Variants in POU6F2 observed in about 807,000 individuals in gnomAD.
POU6F2 encodes the protein POU class 6 homeobox 2.
A neutral mutation model predicts 71.3 loss-of-function variants in POU6F2; 31 were observed. That is an observed-to-expected ratio of 0.43 (90% CI 0.33 to 0.59). POU6F2 has a LOEUF of 0.59. Ranked by LOEUF, POU6F2 falls within the 20% of genes least tolerant of loss-of-function variation. The pLI is 0.04. For missense variants in POU6F2, 783 were observed against 856.8 expected, an observed-to-expected ratio of 0.91 and a Z score of 1.07; for synonymous variants, 347 against 355.7, an observed-to-expected ratio of 0.98 and a Z score of 0.27.
intron 1 of POU6F2, among the ~76,000 whole-genome samples, chr7:39,000,558 CACACACA>C (rs1562662065): frequency 4.0e-4 from 57 of 144,258 alleles, no homozygotes; most frequent in Admixed American, 4.8e-4. Context: ...CACACACACA[CACACACA>C]CCCTCCCAAC....
intron 6 of POU6F2, among the ~76,000 whole-genome samples, chr7:39,424,302 A>G (rs1245848281): frequency 6.6e-6 from 1 of 152,106 alleles, no homozygotes; most frequent in African/African-American, 2.4e-5. Flanking sequence ...TGGAGATAAC[A>G]TTTTGCACAA....
At chr7:39,234,866 G>A (rs1794645420) in intron 4 of POU6F2, among the ~76,000 whole-genome samples, 1 of 152,064 alleles carries the variant, frequency 6.6e-6, no homozygotes, top group African/African-American at 2.4e-5. Context: ...ATCCAGATAG[G>A]GCATCAAAAT....
At chr7:39,184,138 C>T (rs1400582873) in intron 2 of POU6F2, among the ~76,000 whole-genome samples, 2 of 152,124 alleles carry the variant, frequency 1.3e-5, no homozygotes, top group African/African-American at 4.8e-5. Context: ...ACAAGCTGGT[C>T]CATGCAAATA....
intron 1 of POU6F2, among the ~76,000 whole-genome samples, chr7:39,054,679 A>C (rs1016443901): frequency 6.6e-6 from 1 of 151,844 alleles, no homozygotes; most frequent in African/African-American, 2.4e-5. Flanking sequence ...AGACACACAA[A>C]ATTTGAGTAG....
At chr7:39,081,968 C>T (rs560657483) in intron 1 of POU6F2, among the ~76,000 whole-genome samples, 1 of 152,336 alleles carries the variant, frequency 6.6e-6, no homozygotes, top group Non-Finnish European at 1.5e-5. Flanking sequence ...AGAAATTTAG[C>T]CCACTGAGCC....
At chr7:39,098,166 CTTGT>C (rs1435203243) in intron 2 of POU6F2, among the ~76,000 whole-genome samples, 1 of 151,910 alleles carries the variant, frequency 6.6e-6, no homozygotes, top group African/African-American at 2.4e-5. Flanking sequence ...TCCCAAAATT[CTTGT>C]TTGTCTTATA....
chr7:39,413,215 AC>A (rs1293984688), intron 6 of POU6F2, among the ~76,000 whole-genome samples: 4 of 152,056 alleles, frequency 2.6e-5, no homozygotes, highest in African/African-American at 9.7e-5. Context: ...AAGAAACAAA[AC>A]ATGACAGACA....
intron 2 of POU6F2, among the ~76,000 whole-genome samples, chr7:39,109,912 G>T (rs920803024): frequency 6.6e-6 from 1 of 152,184 alleles, no homozygotes; most frequent in Non-Finnish European, 1.5e-5. Flanking sequence ...GCTTGTGAGA[G>T]ATAATTGCTA....
intron 7 of POU6F2, among the ~76,000 whole-genome samples, chr7:39,435,459 G>A (rs370576615): frequency 2.7e-4 from 41 of 152,048 alleles, no homozygotes; most frequent in African/African-American, 6.3e-4. Flanking sequence ...CATATCCTTC[G>A]CCCACTTTTT....
intron 4 of POU6F2, among the ~76,000 whole-genome samples, chr7:39,234,043 T>C (rs1794626704): frequency 6.6e-6 from 1 of 152,272 alleles, no homozygotes; most frequent in Non-Finnish European, 1.5e-5. Flanking sequence ...AACTACATCT[T>C]TGGCACGCAT....
Position 39,353,245 on chromosome 7 carries a change from G to A in POU6F2, c.972+13230G>A, listed in dbSNP as rs536760005. Among the ~76,000 whole-genome samples the A allele has an allele frequency of 4.2e-3, 640 of 152,264 alleles. 3 individuals are homozygous for A. The highest frequency in any genetic ancestry group is 0.014 in the African/African-American group (580 of 41,540). On this transcript the variant is annotated intron_variant, in intron 5 of 9. Coordinates refer to ENST00000518318, the MANE Select transcript of POU6F2 (RefSeq NM_001370959.1). ...CATCTTCAAAGAACAGAAACCTACC[G>A]GAACTTGTACAAATATCAGCCTAAG...
chr7:39,047,283 C>A (rs1790310552), intron 1 of POU6F2, among the ~76,000 whole-genome samples: 1 of 151,800 alleles, frequency 6.6e-6, no homozygotes, highest in South Asian at 2.1e-4. Flanking sequence ...TGCCATGAAT[C>A]TGTATAAATA....
At chr7:39,239,147 G>A (rs533959644) in intron 4 of POU6F2, among the ~76,000 whole-genome samples, 1 of 152,242 alleles carries the variant, frequency 6.6e-6, no homozygotes, top group Admixed American at 6.5e-5. Flanking sequence ...GGAATAATAT[G>A]AAAGACAGAG....
chr7:39,321,330 T>C lies in POU6F2; in HGVS notation c.599-18312T>C, dbSNP rs1339811563. ...GAAGAGCTGAGCTTTGAAAGAAGGG[T>C]AGGATCATGACAGAGGGAAATAGAA... On this transcript the variant is annotated intron_variant, in intron 4 of 9. Coordinates refer to ENST00000518318, the MANE Select transcript of POU6F2 (RefSeq NM_001370959.1). 2.6e-5 allele frequency among the ~76,000 whole-genome samples: 4 copies of C among 151,606 alleles called. No individual in the cohort carries two copies. In the East Asian group the frequency reaches 7.8e-4, roughly 29 times the overall value.
intron 4 of POU6F2, among the ~76,000 whole-genome samples, chr7:39,271,033 G>A (rs1163889189): frequency 6.6e-6 from 1 of 152,098 alleles, no homozygotes; most frequent in Non-Finnish European, 1.5e-5. Flanking sequence ...TCTAGCCAGG[G>A]GCCAGCTGGG....
At chr7:38,982,362 G>GA (rs542497577) in intron 1 of POU6F2, among the ~76,000 whole-genome samples, 5 of 152,152 alleles carry the variant, frequency 3.3e-5, no homozygotes, top group African/African-American at 1.2e-4. Flanking sequence ...TGGTATACTA[G>GA]AAAAAATACA....
chr7:39,329,421 T>C (rs1198728062), intron 4 of POU6F2, among the ~76,000 whole-genome samples: 6 of 152,118 alleles, frequency 3.9e-5, no homozygotes, highest in Non-Finnish European at 5.9e-5. Flanking sequence ...AAGAGTACTT[T>C]AACATGGCCT....
chr7:39,339,082 T>TTA (rs1554344615), intron 4 of POU6F2, among the ~76,000 whole-genome samples: 6,470 of 143,974 alleles, frequency 0.045, 202 homozygotes, highest in Non-Finnish European at 0.066. Context: ...TTTGAATTTT[T>TTA]AAAAAAAAAA....
At chr7:39,163,543 G>T (rs925364067) in intron 2 of POU6F2, among the ~76,000 whole-genome samples, 1 of 152,094 alleles carries the variant, frequency 6.6e-6, no homozygotes, top group Admixed American at 6.6e-5. Context: ...TGTCTCTTGC[G>T]TCAATAGTGT....
Sources: allele counts gnomAD v4.1 joint callset (sites outside exome capture counted in the v4.1 genomes callset), GRCh38; gene constraint gnomAD v4.1.1; transcripts MANE v1.5; gene names NCBI Gene and HGNC (gene_info 2026-07-23, HGNC 2026-07-21).